Variants in CHODL observed in about 807,000 individuals in gnomAD.
CHODL encodes the protein chondrolectin.
Under a neutral mutation model 34.5 loss-of-function variants are expected in CHODL, and 29 were observed. The ratio of observed to expected loss-of-function variants is 0.84; its 90% CI spans 0.63 to 1.15. CHODL has a LOEUF of 1.15. Ranked by LOEUF, CHODL falls within the 50% of genes most tolerant of loss-of-function variation. CHODL has a pLI of 0.00. For missense variants in CHODL, 332 were observed against 332.5 expected (o/e 1.00, Z 0.01); for synonymous variants, 125 against 116.1 (o/e 1.08, Z -0.49).
intron 1 of CHODL, among the ~76,000 whole-genome samples, chr21:17,925,961 TTAG>T (rs2063218969): frequency 6.6e-6 from 1 of 152,220 alleles, no homozygotes; most frequent in Non-Finnish European, 1.5e-5. Flanking sequence ...TAATAGACAA[TTAG>T]TATTTCAAAA....
chr21:18,191,314 A>G (rs1463052934), intron 2 of CHODL, among the ~76,000 whole-genome samples: 1 of 152,198 alleles, frequency 6.6e-6, no homozygotes, highest in Non-Finnish European at 1.5e-5. Flanking sequence ...CAAGAAAAGC[A>G]TAGGCCAAAT....
intron 2 of CHODL, among the ~76,000 whole-genome samples, chr21:18,228,800 A>G (rs1308861296): frequency 6.6e-6 from 1 of 152,212 alleles, no homozygotes; most frequent in Non-Finnish European, 1.5e-5. Flanking sequence ...AAAAGTGTTG[A>G]CATAATGAGA....
At position 17,972,692 on chromosome 21, in the gene CHODL, A is replaced by G. The variant is rs374644957; in HGVS notation, c.-144-55180A>G. Among the ~76,000 whole-genome samples, 6 of 152,352 alleles carry G rather than the reference A, an allele frequency of 3.9e-5. 1 individual carries two copies. The highest frequency in any genetic ancestry group is 1.3e-4 in the Admixed American group (2 of 15,304). ...TTCATGCTCGTGGATAGGAAGAATC[A>G]ATATCGTGAAAATGTCCATACTACC... On this transcript the variant is annotated intron_variant, in intron 1 of 6. Transcript: ENST00000400127.
At chr21:17,941,286 C>CTTTTT (rs34255623) in intron 1 of CHODL, among the ~76,000 whole-genome samples, 1 of 87,938 alleles carries the variant, frequency 1.1e-5, no homozygotes, top group Non-Finnish European at 2.1e-5. Context: ...TAACTTGCCT[C>CTTTTT]TTTTTTTTTT....
At chr21:18,199,422 T>A (rs1395832295) in intron 2 of CHODL, among the ~76,000 whole-genome samples, 1 of 152,104 alleles carries the variant, frequency 6.6e-6, no homozygotes, top group Non-Finnish European at 1.5e-5. Context: ...CCTCTATTAT[T>A]AACATCTTGA....
chr21:18,210,937 CTT>C (rs1281867773), intron 2 of CHODL, among the ~76,000 whole-genome samples: 4 of 152,096 alleles, frequency 2.6e-5, no homozygotes, highest in African/African-American at 9.7e-5. Flanking sequence ...CTGTTTGGCA[CTT>C]GTTACCTCTC....
At chr21:18,194,975 TCTA>T (rs1289776402) in intron 2 of CHODL, among the ~76,000 whole-genome samples, 1 of 152,014 alleles carries the variant, frequency 6.6e-6, no homozygotes, top group Non-Finnish European at 1.5e-5. Context: ...AAACCTAAAA[TCTA>T]CTCATTTTGC....
At chr21:17,927,671 C>T (rs935248931) in intron 1 of CHODL, among the ~76,000 whole-genome samples, 2 of 152,184 alleles carry the variant, frequency 1.3e-5, no homozygotes, top group Non-Finnish European at 2.9e-5. Flanking sequence ...ATGACCAAAT[C>T]CACCACTGTT....
intron 1 of CHODL, among the ~76,000 whole-genome samples, chr21:17,929,212 T>C (rs1310061441): frequency 1.3e-5 from 2 of 152,256 alleles, no homozygotes; most frequent in Non-Finnish European, 2.9e-5. Flanking sequence ...CTCAAAGTAA[T>C]GTCTTTGGCT....
At chr21:18,064,116 G>A (rs2064702581) in intron 2 of CHODL, among the ~76,000 whole-genome samples, 1 of 152,054 alleles carries the variant, frequency 6.6e-6, no homozygotes, top group Admixed American at 6.6e-5. Flanking sequence ...TTCTTTGTTA[G>A]CACTCATCAC....
intron 1 of CHODL, among the ~76,000 whole-genome samples, chr21:17,941,794 A>G (rs182936936): frequency 2.3e-4 from 35 of 152,280 alleles, no homozygotes; most frequent in African/African-American, 7.7e-4. Flanking sequence ...TCACAGTTCT[A>G]GAGGCTGGGA....
chr21:17,928,585 G>A (rs540135049), intron 1 of CHODL, among the ~76,000 whole-genome samples: 3 of 152,126 alleles, frequency 2.0e-5, no homozygotes, highest in African/African-American at 7.2e-5. Context: ...TAACAGTGGG[G>A]GCCAAAGTTG....
chr21:18,140,830 GT>G (rs2072792287), intron 2 of CHODL, among the ~76,000 whole-genome samples: 1 of 151,988 alleles, frequency 6.6e-6, no homozygotes, highest in Non-Finnish European at 1.5e-5. Context: ...ACACCCATCT[GT>G]TTGGTAACAT....
intron 2 of CHODL, among the ~76,000 whole-genome samples, chr21:18,170,714 C>T (rs2073217287): frequency 6.6e-6 from 1 of 152,090 alleles, no homozygotes; most frequent in Non-Finnish European, 1.5e-5. Flanking sequence ...TATTGTCATT[C>T]ATGTGAGACT....
chr21:18,060,661 G>T (rs948076009), intron 2 of CHODL, among the ~76,000 whole-genome samples: 1 of 143,780 alleles, frequency 7.0e-6, no homozygotes, highest in African/African-American at 2.7e-5. Flanking sequence ...GAAGACCTAG[G>T]TACCTCTGAA....
At chr21:18,104,953 A>T (rs1406397198) in intron 2 of CHODL, among the ~76,000 whole-genome samples, 1 of 152,204 alleles carries the variant, frequency 6.6e-6, no homozygotes, top group Non-Finnish European at 1.5e-5. Context: ...ATGCTATGAC[A>T]TGATTTGGAA....
chr21:18,116,221 T>G (rs554580146), intron 2 of CHODL, among the ~76,000 whole-genome samples: 1 of 152,322 alleles, frequency 6.6e-6, no homozygotes, highest in East Asian at 1.9e-4. Flanking sequence ...CAAAGTTTTC[T>G]CCTGAGATCT....
At chr21:17,929,794 T>C (rs1273499108) in intron 1 of CHODL, among the ~76,000 whole-genome samples, 1 of 152,226 alleles carries the variant, frequency 6.6e-6, no homozygotes, top group African/African-American at 2.4e-5. Flanking sequence ...TGCAGCCTGG[T>C]ACCAGCTGCT....
intron 1 of CHODL, among the ~76,000 whole-genome samples, chr21:18,000,409 T>C (rs539199933): frequency 6.6e-6 from 1 of 152,308 alleles, no homozygotes; most frequent in East Asian, 1.9e-4. Flanking sequence ...AATTGTAAGA[T>C]ATTTTGGAGT....
Sources: allele counts gnomAD v4.1 joint callset (sites outside exome capture counted in the v4.1 genomes callset), GRCh38; gene constraint gnomAD v4.1.1; transcripts MANE v1.5; gene names NCBI Gene and HGNC (gene_info 2026-07-23, HGNC 2026-07-21).